AHCTF1: variants seen among roughly 807,000 people sequenced by gnomAD.
The protein encoded by AHCTF1 is AT-hook containing transcription factor 1, also known as protein ELYS.
AHCTF1 carries 24 observed loss-of-function variants against 248.4 expected under a neutral mutation model. The ratio of observed to expected loss-of-function variants is 0.10; its 90% CI spans 0.07 to 0.14. The LOEUF (loss-of-function observed/expected upper bound fraction) is 0.14, where lower values mean the gene tolerates loss of function less well. AHCTF1 is among the 10% of genes least tolerant of loss of function. The pLI, the probability that AHCTF1 is intolerant of heterozygous loss-of-function variation, is 1.00. For synonymous variants in AHCTF1, 786 were observed against 929.8 expected (o/e 0.85, Z 2.81); for missense variants, 2,206 against 2,636.2 (o/e 0.84, Z 3.57).
At chr1:246,860,815 T>C (rs1459861792) in intron 29 of AHCTF1, 84 bp downstream of exon 29, 1 of 1,523,942 alleles carries the variant, frequency 6.6e-7, no homozygotes, top group East Asian at 2.3e-5. Flanking sequence ...CTAGGATGCT[T>C]TTCTTATGGT....
Position 246,853,163 on chromosome 1 carries a change from T to C in AHCTF1, c.4491A>G (p.Leu1497=), listed in dbSNP as rs1343148649. 7 of 1,612,956 alleles carry C rather than the reference T, an allele frequency of 4.3e-6. No individual in the cohort carries two copies. The highest frequency in any genetic ancestry group is 4.2e-6 in the Non-Finnish European group (5 of 1,179,472). ...CTTCTGGTAAGTCAACACTTTCTTT[T>C]AGTACACCAACTTCTACTTCATGAT... ...KEDHEVEVGV[L]KESVDLPEEK... is the part of the protein sequence containing the mutation. Residue 1497 remains leucine, a synonymous_variant, in exon 32 of 36, where the codon CTA becomes CTG. Transcript: ENST00000648844.
chr1:246,877,102 T>C (rs1288695966), intron 22 of AHCTF1, 21 bp from the exon 23 acceptor site: 14 of 1,612,260 alleles, frequency 8.7e-6, no homozygotes, highest in South Asian at 1.1e-5. Flanking sequence ...CAAAATAGAT[T>C]GTAAACTACC....
intron 24 of AHCTF1, among the ~76,000 whole-genome samples, chr1:246,869,002 G>A (rs7551928): frequency 0.3 from 44,698 of 150,602 alleles, 8,208 homozygotes; most frequent in African/African-American, 0.51. Context: ...CCGCCACCAT[G>A]CCTGGCTAAC....
intron 19 of AHCTF1, 26 bp downstream of exon 19, chr1:246,888,151 A>C: frequency 6.2e-7 from 1 of 1,609,402 alleles, no homozygotes; most frequent in Non-Finnish European, 8.5e-7. Flanking sequence ...AATACATGAA[A>C]CACTGGATAA....
chr1:246,852,364 T>C (rs1660770356), intron 32 of AHCTF1, among the ~76,000 whole-genome samples: 1 of 94,336 alleles, frequency 1.1e-5, no homozygotes, highest in Non-Finnish European at 2.5e-5. Context: ...TTTCTATAAA[T>C]AATTAGAAGA....
At chr1:246,863,863 G>A in intron 27 of AHCTF1, 61 bp downstream of exon 27, 1 of 1,527,664 alleles carries the variant, frequency 6.5e-7, no homozygotes, top group Admixed American at 1.9e-5. Context: ...TTTTCTCCTT[G>A]CTACTTGAAA....
intron 1 of AHCTF1, among the ~76,000 whole-genome samples, chr1:246,930,790 T>A (rs1667294131): frequency 6.6e-6 from 1 of 152,160 alleles, no homozygotes; most frequent in African/African-American, 2.4e-5. Context: ...CCAAAGGATT[T>A]ACGTTTTGTT....
chr1:246,870,454 T>C (rs964745663), intron 24 of AHCTF1, among the ~76,000 whole-genome samples: 2 of 152,084 alleles, frequency 1.3e-5, no homozygotes, highest in Non-Finnish European at 2.9e-5. Context: ...AAAGATGTGA[T>C]GAATTGCTGT....
Position 246,839,201 on chromosome 1 carries a change from GT to G in AHCTF1, c.*1604del, listed in dbSNP as rs1659663225. 6.6e-6 allele frequency: 1 copy of G among 152,096 alleles called. No individual in the cohort carries two copies. Among genetic ancestry groups the G allele is most frequent in the Non-Finnish European group, 1.5e-5 (1 of 68,008 alleles). The allele number at this position is 152,096 out of a possible 1,614,324, so 9.4% of individuals were successfully genotyped here. On this transcript the variant is annotated 3_prime_UTR_variant, in exon 36 of 36. Coordinates refer to ENST00000648844, the MANE Select transcript of AHCTF1 (RefSeq NM_001323342.2). The stretch of plus-strand genomic sequence containing the variant: ...AAAGTTCATTTAGAACAGGCAATTT[GT>G]TTGCTTATGATCTACATTCACGGAG...
intron 5 of AHCTF1, among the ~76,000 whole-genome samples, 155 bp from the exon 6 acceptor site, chr1:246,905,812 T>G (rs1665347182): frequency 6.6e-6 from 1 of 152,082 alleles, no homozygotes; most frequent in African/African-American, 2.4e-5. Flanking sequence ...TCTGCAAAAA[T>G]ACACACGGCA....
intron 33 of AHCTF1, among the ~76,000 whole-genome samples, chr1:246,846,649 A>ACAAT (rs1049997628): frequency 3.9e-5 from 6 of 152,176 alleles, no homozygotes; most frequent in African/African-American, 1.4e-4. Context: ...GAGGGTTTAA[A>ACAAT]CAATCTGTGG....
Position 246,840,063 on chromosome 1 carries a change from A to C in AHCTF1, c.*743T>G, listed in dbSNP as rs1383389163. ...CATACAAGATGCACTCAATATCCATAAACAGATTTATTTTACATTTCCCTT... is the reference window on the plus strand; with the variant it reads ...CATACAAGATGCACTCAATATCCATCAACAGATTTATTTTACATTTCCCTT... On this transcript the variant is annotated 3_prime_UTR_variant, in exon 36 of 36. Coordinates refer to ENST00000648844, the MANE Select transcript of AHCTF1 (RefSeq NM_001323342.2). 6.6e-6 allele frequency: 1 copy of C among 152,614 alleles called. No homozygotes were observed. Among genetic ancestry groups the C allele is most frequent in the Non-Finnish European group, 1.5e-5 (1 of 68,040 alleles). 9.5% of individuals were successfully genotyped at this position (152,614 alleles called of 1,614,324 possible).
intron 3 of AHCTF1, among the ~76,000 whole-genome samples, chr1:246,914,502 T>C (rs564688347): frequency 6.6e-6 from 1 of 152,340 alleles, no homozygotes; most frequent in South Asian, 2.1e-4. Flanking sequence ...AAGCTGTAAC[T>C]TCATCACTTT....
chr1:246,877,092 C>A lies in AHCTF1; in HGVS notation c.2806-11G>T, dbSNP rs1434567713. Reference sequence around the variant, plus strand: ...TTTCACTAAACATTCCTAAAAAGAACAAAATAGATTGTAAACTACCAATTT... The same window carrying A: ...TTTCACTAAACATTCCTAAAAAGAAAAAAATAGATTGTAAACTACCAATTT... On this transcript the variant is annotated splice_polypyrimidine_tract_variant and intron_variant, in intron 22 of 35. Transcript: ENST00000648844. 22 of 1,612,248 alleles carry A rather than the reference C, an allele frequency of 1.4e-5. No homozygotes were observed. The highest frequency in any genetic ancestry group is 1.8e-5 in the Non-Finnish European group (21 of 1,179,906).
Position 246,931,077 on chromosome 1 carries a change from A to C in AHCTF1, c.-8+501T>G, listed in dbSNP as rs867257464. ...TGATCTGACCAATCGGGTGAGCTGG[A>C]ACCTCACGGCTGAGCCCCGAGTCCA... is the stretch of plus-strand genomic sequence containing the variant. On this transcript the variant is annotated intron_variant, in intron 1 of 35. Transcript: ENST00000648844. 1.8e-5 allele frequency: 27 copies of C among 1,542,650 alleles called. No individual in the cohort carries two copies. The Middle Eastern group carries it at 5.0e-4, about 29-fold the overall frequency.
intron 1 of AHCTF1, among the ~76,000 whole-genome samples, chr1:246,922,511 A>C (rs1666612971): frequency 6.6e-6 from 1 of 150,834 alleles, no homozygotes; most frequent in Admixed American, 6.6e-5. Flanking sequence ...ATGCAGCCTC[A>C]ATCTCCTGGG....
intron 3 of AHCTF1, among the ~76,000 whole-genome samples, chr1:246,913,797 T>G (rs1372784160): frequency 6.6e-6 from 1 of 152,224 alleles, no homozygotes; most frequent in East Asian, 1.9e-4. Context: ...CATAAAATCA[T>G]TACGCATAAA....
At chr1:246,842,608 A>AAT (rs1340822318) in intron 35 of AHCTF1, 86 bp downstream of exon 35, 8 of 1,008,192 alleles carry the variant, frequency 7.9e-6, no homozygotes, top group Non-Finnish European at 1.1e-5. Flanking sequence ...AATAAAATAA[A>AAT]ATAATAAAAG....
intron 8 of AHCTF1, among the ~76,000 whole-genome samples, chr1:246,901,800 C>T (rs1243532379): frequency 4.6e-5 from 7 of 152,024 alleles, no homozygotes; most frequent in Admixed American, 4.6e-4. Context: ...CCTGGACTGG[C>T]CTGGGCATCA....
Sources: allele counts gnomAD v4.1 joint callset (sites outside exome capture counted in the v4.1 genomes callset), GRCh38; gene constraint gnomAD v4.1.1; transcripts MANE v1.5; gene names NCBI Gene and HGNC (gene_info 2026-07-23, HGNC 2026-07-21).